ZNHIT6: variants seen among roughly 807,000 people sequenced by gnomAD.
ZNHIT6 encodes the protein zinc finger HIT-type containing 6.
Under a neutral mutation model 57.2 loss-of-function variants are expected in ZNHIT6, and 45 were observed. That is an observed-to-expected ratio of 0.79 (90% CI 0.62 to 1.01). The LOEUF (loss-of-function observed/expected upper bound fraction) is 1.01, where lower values mean the gene tolerates loss of function less well. Among genes scored for constraint, ZNHIT6 ranks in the 50% least tolerant of loss-of-function variants. The pLI is 0.00. For missense variants in ZNHIT6, 528 were observed against 567.3 expected, an observed-to-expected ratio of 0.93 and a Z score of 0.70; for synonymous variants, 188 against 190.0, an observed-to-expected ratio of 0.99 and a Z score of 0.09.
At chr1:85,666,584 T>A (rs947807735) in intron 8 of ZNHIT6, among the ~76,000 whole-genome samples, 1 of 152,162 alleles carries the variant, frequency 6.6e-6, no homozygotes, top group African/African-American at 2.4e-5. Context: ...GAGACCTCAA[T>A]AGTTGAGCTT....
rs1450620705 is a variant in ZNHIT6, at chr1:85,707,817, C to A, written c.468G>T (p.Lys156Asn). 1.2e-6 allele frequency: 2 copies of A among 1,613,992 alleles called. No individual in the cohort carries two copies. The highest frequency in any genetic ancestry group is 3.3e-5 in the Admixed American group (2 of 60,012). The change falls in exon 1 of 10, where the codon AAG (lysine) becomes AAT (asparagine). Residue 156 changes from lysine to asparagine, a missense_variant. Coordinates refer to ENST00000370574, the MANE Select transcript of ZNHIT6 (RefSeq NM_017953.4). ...VMDWSEVKEE[K>N]DNLEIKQEEK... ...CCTCCTGTTTTATCTCCAAGTTATC[C>A]TTCTCTTCCTTCACTTCTGACCAGT...
At chr1:85,665,453 A>T (rs561821243) in intron 8 of ZNHIT6, among the ~76,000 whole-genome samples, 2 of 152,024 alleles carry the variant, frequency 1.3e-5, no homozygotes, top group Non-Finnish European at 2.9e-5. Context: ...ATGTATGTAT[A>T]TGTTGTGAAA....
intron 8 of ZNHIT6, among the ~76,000 whole-genome samples, chr1:85,667,771 C>T (rs1054854416): frequency 6.7e-6 from 1 of 149,208 alleles, no homozygotes; most frequent in Non-Finnish European, 1.5e-5. Flanking sequence ...TGTCTCTCTA[C>T]AAAAATACAA....
chr1:85,706,945 CT>C (rs1444806019), intron 1 of ZNHIT6, among the ~76,000 whole-genome samples: 2 of 152,172 alleles, frequency 1.3e-5, no homozygotes, highest in East Asian at 3.9e-4. Flanking sequence ...TAGTAGCACC[CT>C]TTTTCCTGAA....
At chr1:85,674,226 T>C (rs1233685678) in intron 8 of ZNHIT6, among the ~76,000 whole-genome samples, 1 of 152,212 alleles carries the variant, frequency 6.6e-6, no homozygotes, top group Admixed American at 6.5e-5. Flanking sequence ...TGGGGGAATT[T>C]GGAAGATAAG....
At chr1:85,706,836 G>C (rs1662698615) in intron 1 of ZNHIT6, among the ~76,000 whole-genome samples, 1 of 152,216 alleles carries the variant, frequency 6.6e-6, no homozygotes, top group African/African-American at 2.4e-5. Context: ...ATGATTGTAT[G>C]TGTGTGTATC....
At chr1:85,686,337 G>T (rs1237188483) in intron 5 of ZNHIT6, among the ~76,000 whole-genome samples, 1 of 151,130 alleles carries the variant, frequency 6.6e-6, no homozygotes, top group Non-Finnish European at 1.5e-5. Flanking sequence ...CCCCCTTTGA[G>T]AAAAAAAATA....
chr1:85,667,961 A>AAAAAAAAAAATATATATAT, intron 8 of ZNHIT6, among the ~76,000 whole-genome samples: 15 of 18,186 alleles, frequency 8.2e-4, no homozygotes, highest in Admixed American at 2.0e-3. Context: ...AAAAAAAAAA[A>AAAAAAAAAAATATATATAT]ATATATATAT....
rs778007928 is a variant in ZNHIT6, at chr1:85,664,992, C to T, written c.1248-7021G>A. On this transcript the variant is annotated intron_variant, in intron 8 of 9. Coordinates refer to ENST00000370574, the MANE Select transcript of ZNHIT6 (RefSeq NM_017953.4). ...GACTATAGGTGTATGCTGCCACACTCGGCTAATGTTTGTATGTTTAGTAGA... is the reference window on the plus strand; with the variant it reads ...GACTATAGGTGTATGCTGCCACACTTGGCTAATGTTTGTATGTTTAGTAGA... 5.3e-5 allele frequency among the ~76,000 whole-genome samples: 8 copies of T among 152,014 alleles called. No homozygotes were observed. The South Asian group carries it at 6.2e-4, about 12-fold the overall frequency.
At chr1:85,697,044 T>C (rs892584939) in intron 5 of ZNHIT6, among the ~76,000 whole-genome samples, 25 of 151,690 alleles carry the variant, frequency 1.6e-4, no homozygotes, top group African/African-American at 4.8e-4. Flanking sequence ...GTATTTTTTT[T>C]TTTTTTTAGT....
In ZNHIT6 at chr1:85,649,822, GCAA is replaced by G. The variant is rs1164265275; in HGVS notation, c.*4233_*4235del. ...ATGCTATGTGCATCTGCTCAAACTA[GCAA>G]CAACATGATGTCAAATAAAAATGGA... is the stretch of plus-strand genomic sequence containing the variant. On this transcript the variant is annotated 3_prime_UTR_variant, in exon 10 of 10. Coordinates refer to ENST00000370574, the MANE Select transcript of ZNHIT6 (RefSeq NM_017953.4). 2 of 151,330 alleles carry G rather than the reference GCAA, an allele frequency of 1.3e-5. No homozygotes were observed. The highest frequency in any genetic ancestry group is 4.9e-5 in the African/African-American group (2 of 41,082). The allele number at this position is 151,330 out of a possible 1,614,324, so 9.4% of individuals were successfully genotyped here.
chr1:85,678,551 T>C (rs1661771699), intron 7 of ZNHIT6, 150 bp downstream of exon 7: 1 of 560,658 alleles, frequency 1.8e-6, no homozygotes, highest in African/African-American at 2.0e-5. Context: ...ATGTCAGCTA[T>C]TTCTACAGAC....
chr1:85,678,756 C>A lies in ZNHIT6; in HGVS notation c.1114G>T (p.Glu372Ter). The A allele has an allele frequency of 6.3e-7, 1 of 1,582,142 alleles. No homozygotes were observed. The highest frequency in any genetic ancestry group is 8.6e-7 in the Non-Finnish European group (1 of 1,162,548). ...GGATCAATGTAAGGTTTTAGGATTT[C>A]ATTAATAGTTTTATCATCTGGTACT... is the stretch of plus-strand genomic sequence containing the variant. ...KRVPDDKTIN[E>*]ILKPYIDPEK... Residue 372 changes from glutamate (E) to a stop codon, truncating the protein, a stop_gained, in exon 7 of 10, where the codon GAA (glutamate) becomes TAA (stop). Transcript: ENST00000370574. LOFTEE classifies it high-confidence loss of function.
At position 85,653,219 on chromosome 1, in the gene ZNHIT6, T is replaced by C. The variant is rs1281099135; in HGVS notation, c.*839A>G. On this transcript the variant is annotated 3_prime_UTR_variant, in exon 10 of 10. Transcript: ENST00000370574. ...CTGAAGTGAATATAAGAAACAGTAG[T>C]TAATAGTATTTATCCAGGCTTCTAG... is the stretch of plus-strand genomic sequence containing the variant. The C allele has an allele frequency of 6.6e-6, 1 of 152,138 alleles. No homozygotes were observed. Among genetic ancestry groups the C allele is most frequent in the Non-Finnish European group, 1.5e-5 (1 of 68,024 alleles). 9.4% of individuals were successfully genotyped at this position (152,138 alleles called of 1,614,324 possible).
chr1:85,688,980 C>G (rs923149004), intron 5 of ZNHIT6, among the ~76,000 whole-genome samples: 4 of 152,150 alleles, frequency 2.6e-5, no homozygotes, highest in African/African-American at 9.7e-5. Flanking sequence ...ACTGAGTATT[C>G]TATTTCATGC....
rs565669460 is a variant in ZNHIT6, at chr1:85,658,241, T to C, written c.1248-270A>G. 2.9e-3 allele frequency among the ~76,000 whole-genome samples: 434 copies of C among 152,266 alleles called. 2 individuals are homozygous for C. The highest frequency in any genetic ancestry group is 9.8e-3 in the African/African-American group (407 of 41,564). ...AACAAGTTACTAATTTTCTTTTTCT[T>C]TTTTTGATATGGAGTCTCGCTTTGT... is the stretch of plus-strand genomic sequence containing the variant. On this transcript the variant is annotated intron_variant, in intron 8 of 9. Coordinates refer to ENST00000370574, the MANE Select transcript of ZNHIT6 (RefSeq NM_017953.4).
intron 8 of ZNHIT6, among the ~76,000 whole-genome samples, chr1:85,667,961 A>AAAAAAAAAAAATGTATAT: frequency 5.5e-5 from 1 of 18,200 alleles, no homozygotes; most frequent in African/African-American, 2.1e-4. Context: ...AAAAAAAAAA[A>AAAAAAAAAAAATGTATAT]ATATATATAT....
intron 5 of ZNHIT6, among the ~76,000 whole-genome samples, chr1:85,693,400 G>A (rs1196513654): frequency 6.6e-6 from 1 of 152,044 alleles, no homozygotes; most frequent in Non-Finnish European, 1.5e-5. Flanking sequence ...AAGAAACAGA[G>A]GTTCCAGGGA....
At chr1:85,654,307 G>A (rs1476260785) in intron 9 of ZNHIT6, among the ~76,000 whole-genome samples, 1 of 152,186 alleles carries the variant, frequency 6.6e-6, no homozygotes, top group African/African-American at 2.4e-5. Context: ...TATATTTTGT[G>A]AGGTAACATC....
Sources: allele counts gnomAD v4.1 joint callset (sites outside exome capture counted in the v4.1 genomes callset), GRCh38; gene constraint gnomAD v4.1.1; transcripts MANE v1.5; gene names NCBI Gene and HGNC (gene_info 2026-07-23, HGNC 2026-07-21).